The following SSH2 variants were observed in gnomAD, a reference collection of about 807,000 sequenced individuals.
The protein encoded by SSH2 is protein phosphatase Slingshot homolog 2.
Under a neutral mutation model 135.2 loss-of-function variants are expected in SSH2, and 37 were observed. The ratio of observed to expected loss-of-function variants is 0.27; its 90% CI spans 0.21 to 0.36. The LOEUF is 0.36. Ranked by LOEUF, SSH2 falls within the 10% of genes least tolerant of loss-of-function variation. SSH2 has a pLI of 1.00. For synonymous variants in SSH2, 628 were observed against 646.2 expected, an observed-to-expected ratio of 0.97 and a Z score of 0.43; for missense variants, 1,408 against 1,765.3, an observed-to-expected ratio of 0.80 and a Z score of 3.63.
chr17:29,905,596 T>A (rs944548929), intron 1 of SSH2, among the ~76,000 whole-genome samples: 4 of 152,180 alleles, frequency 2.6e-5, no homozygotes, highest in Non-Finnish European at 5.9e-5. Context: ...TGTCCACAAC[T>A]GCTCAGATCT....
In SSH2 at chr17:29,737,181, G is replaced by A. The variant is rs141206365; in HGVS notation, c.189-34119C>T. On this transcript the variant is annotated intron_variant, in intron 3 of 15. Transcript: ENST00000540801. ...ATCTATTTTCATTACATCTATAAAT[G>A]CAGTGGCCTTATATTATTTAGATTA... is the stretch of plus-strand genomic sequence containing the variant. 3.5e-4 allele frequency among the ~76,000 whole-genome samples: 52 copies of A among 148,442 alleles called. 1 individual carries two copies. Among genetic ancestry groups the A allele is most frequent in the Non-Finnish European group, 6.8e-4 (46 of 67,582 alleles).
chr17:29,786,585 T>C (rs2041969881), intron 3 of SSH2, among the ~76,000 whole-genome samples: 1 of 152,134 alleles, frequency 6.6e-6, no homozygotes, highest in Non-Finnish European at 1.5e-5. Flanking sequence ...ATATAAAACC[T>C]GATTTTCTGT....
In SSH2 at chr17:29,754,417, A is replaced by G. The variant is rs187541927; in HGVS notation, c.188+39477T>C. On this transcript the variant is annotated intron_variant, in intron 3 of 15. Transcript: ENST00000540801. The stretch of plus-strand genomic sequence containing the variant: ...AGACTTTCTACCTTTTGATTTCATG[A>G]AAAGGTACATTTTGGATGAACATCC... 2.0e-5 allele frequency among the ~76,000 whole-genome samples: 3 copies of G among 152,290 alleles called. No individual in the cohort carries two copies. In the East Asian group the frequency reaches 5.8e-4, roughly 29 times the overall value.
Position 29,930,144 on chromosome 17 carries a change from A to G in SSH2, c.-144T>C. ...AGGAGGAGGCCGCGGGAACGGCCGCAGACTCCGCACCCACCACCAGACTGT... is the reference window on the plus strand; with the variant it reads ...AGGAGGAGGCCGCGGGAACGGCCGCGGACTCCGCACCCACCACCAGACTGT... On this transcript the variant is annotated 5_prime_UTR_variant, in exon 1 of 16. Transcript: ENST00000540801. 1.3e-6 allele frequency: 1 copy of G among 749,010 alleles called. No homozygotes were observed. Among genetic ancestry groups the G allele is most frequent in the Non-Finnish European group, 2.2e-6 (1 of 464,842 alleles). 46.4% of individuals were successfully genotyped at this position (749,010 alleles called of 1,614,324 possible).
Position 29,631,730 on chromosome 17 carries a change from C to G in SSH2, c.3464G>C (p.Ser1155Thr). ...AGTCTGGGGATGCAGGTAATCCAAA[C>G]TGGCAGACAGTAAATGGGTTGTATG... ...VSHTTHLLSASLDYLHPQTMV... is the reference protein window; with the variant it reads ...VSHTTHLLSATLDYLHPQTMV... Residue 1155 changes from serine (S) to threonine (T), a missense_variant, in exon 16 of 16, where the codon AGT becomes ACT. Physicochemically the swap from Ser to Thr is moderately conservative, Grantham distance 58 (BLOSUM62 1). Around this residue, in one of 3 missense-constraint regions of SSH2, gnomAD observed 1,080 missense variants for 1,144.5 expected, o/e 0.94. Coordinates refer to ENST00000540801, the MANE Select transcript of SSH2 (RefSeq NM_001282129.2). 6.2e-7 allele frequency: 1 copy of G among 1,614,200 alleles called. No homozygotes were observed. The highest frequency in any genetic ancestry group is 1.3e-5 in the African/African-American group (1 of 75,052).
At chr17:29,925,141 G>T (rs1198944102) in intron 1 of SSH2, 1 of 159,268 alleles carries the variant, frequency 6.3e-6, no homozygotes, top group Non-Finnish European at 1.4e-5. Context: ...GGCTACTTGA[G>T]AATTAAATTA....
At chr17:29,721,213 T>C (rs903775774) in intron 3 of SSH2, among the ~76,000 whole-genome samples, 2 of 152,134 alleles carry the variant, frequency 1.3e-5, no homozygotes, top group African/African-American at 4.8e-5. Flanking sequence ...AAGAGGAAAA[T>C]AACCTAATCA....
intron 1 of SSH2, chr17:29,925,182 T>C: frequency 5.5e-6 from 1 of 182,004 alleles, no homozygotes; most frequent in Non-Finnish European, 1.1e-5. Context: ...CAAAAACCAC[T>C]CTGAAAAGTA....
rs1445220860 is a variant in SSH2 at position 29,627,271 on chromosome 17, A to G, written c.*3570T>C. ...AATGCCCTTAAAAGTGACTTTTTGC[A>G]TAATGCTTTCTTAAAAAAAGAACTC... On this transcript the variant is annotated 3_prime_UTR_variant, in exon 16 of 16. Coordinates refer to ENST00000540801, the MANE Select transcript of SSH2 (RefSeq NM_001282129.2). 6.5e-6 allele frequency: 1 copy of G among 152,682 alleles called. No individual in the cohort carries two copies. The highest frequency in any genetic ancestry group is 1.5e-5 in the Non-Finnish European group (1 of 68,050). 9.5% of individuals were successfully genotyped at this position (152,682 alleles called of 1,614,324 possible). A position where few individuals can be genotyped will look rare whatever the true frequency, so the allele number is the denominator to read the frequency against.
intron 3 of SSH2, among the ~76,000 whole-genome samples, chr17:29,748,477 G>A (rs1449615542): frequency 2.0e-5 from 3 of 151,726 alleles, no homozygotes; most frequent in South Asian, 2.1e-4. Flanking sequence ...GAGGCATCTC[G>A]TACCTCTCTT....
intron 5 of SSH2, among the ~76,000 whole-genome samples, chr17:29,694,891 T>TA (rs1231195382): frequency 6.6e-6 from 1 of 152,318 alleles, no homozygotes; most frequent in Non-Finnish European, 1.5e-5. Flanking sequence ...TCCCCATACT[T>TA]AGACAGCATT....
intron 8 of SSH2, chr17:29,675,835 G>A (rs1334497145): frequency 1.3e-5 from 2 of 151,914 alleles, no homozygotes; most frequent in African/African-American, 4.8e-5. Flanking sequence ...ATGAGAGAGA[G>A]AGAGAGATCT....
At chr17:29,894,073 A>C (rs549801556) in intron 1 of SSH2, among the ~76,000 whole-genome samples, 1 of 152,146 alleles carries the variant, frequency 6.6e-6, no homozygotes, top group South Asian at 2.1e-4. Context: ...GATCTCATTC[A>C]TATCCTCATG....
In SSH2 at chr17:29,782,341, A is replaced by C. The variant is rs552985565; in HGVS notation, c.188+11553T>G. Among the ~76,000 whole-genome samples, 3 of 152,300 alleles carry C rather than the reference A, an allele frequency of 2.0e-5. No homozygotes were observed. The East Asian group carries it at 5.8e-4, about 29-fold the overall frequency. On this transcript the variant is annotated intron_variant, in intron 3 of 15. Transcript: ENST00000540801. ...ATTTACTGAGTGCCAACTACATGCTAATTGGATACCAAAGTAAAATACATA... is the reference window on the plus strand; with the variant it reads ...ATTTACTGAGTGCCAACTACATGCTCATTGGATACCAAAGTAAAATACATA...
chr17:29,890,113 GATA>G (rs2066320646), intron 1 of SSH2, among the ~76,000 whole-genome samples: 2 of 152,328 alleles, frequency 1.3e-5, no homozygotes, highest in South Asian at 2.1e-4. Flanking sequence ...ACTGCAATGA[GATA>G]ATACTTCATA....
At chr17:29,730,205 C>T (rs1255612320) in intron 3 of SSH2, among the ~76,000 whole-genome samples, 1 of 151,334 alleles carries the variant, frequency 6.6e-6, no homozygotes, top group Non-Finnish European at 1.5e-5. Context: ...GCCTGTGGTC[C>T]CTGCTACTTG....
intron 3 of SSH2, among the ~76,000 whole-genome samples, chr17:29,740,221 A>G (rs555326617): frequency 6.6e-6 from 1 of 152,384 alleles, no homozygotes; most frequent in South Asian, 2.1e-4. Context: ...CGATCTGAAG[A>G]GAAGGTGCTG....
intron 3 of SSH2, among the ~76,000 whole-genome samples, chr17:29,752,649 AATC>A (rs2040981572): frequency 6.6e-6 from 1 of 152,132 alleles, no homozygotes; most frequent in Non-Finnish European, 1.5e-5. Flanking sequence ...AAAATCTTGA[AATC>A]ATAAGATAAA....
At chr17:29,844,257 G>T (rs1186013923) in intron 2 of SSH2, among the ~76,000 whole-genome samples, 1 of 152,148 alleles carries the variant, frequency 6.6e-6, no homozygotes, top group South Asian at 2.1e-4. Flanking sequence ...TGCCTGTTTG[G>T]TTGGGTAGGG....
Sources: gnomAD v4.1 joint callset for allele counts (sites outside exome capture counted in the v4.1 genomes callset) on GRCh38, gnomAD v4.1.1 for gene constraint, gnomAD v4.1.1 regional missense constraint, MANE v1.5 for transcripts, NCBI Gene and HGNC (gene_info 2026-07-23, HGNC 2026-07-21) for gene names.